The following CECR2 variants were observed in gnomAD, a reference collection of about 807,000 sequenced individuals.
The protein encoded by CECR2 is chromatin remodeling regulator CECR2.
A neutral mutation model predicts 154.5 loss-of-function variants in CECR2; 30 were observed. The ratio of observed to expected loss-of-function variants is 0.19; its 90% CI spans 0.15 to 0.26. The LOEUF (loss-of-function observed/expected upper bound fraction) is 0.26, where lower values mean the gene tolerates loss of function less well. CECR2 is among the 10% of genes least tolerant of loss of function. CECR2 has a pLI of 1.00. For missense variants in CECR2, 1,743 were observed against 1,829.3 expected (o/e 0.95, Z 0.86); for synonymous variants, 725 against 683.7 (o/e 1.06, Z -0.94).
At chr22:17,540,292 A>T in intron 13 of CECR2, 120 bp from the exon 14 acceptor site, 2 of 928,140 alleles carry the variant, frequency 2.2e-6, no homozygotes, top group Non-Finnish European at 3.0e-6. Flanking sequence ...TGCATCTTCT[A>T]TTTATTAGAA....
rs753001903 is a variant in CECR2, at chr22:17,504,844, T to C, written c.701-3T>C. ...GTAGTGAATCCGTTCCTTTATTTTC[T>C]AGGGTCCCAAGGGCCAGGCCAAGGT... On this transcript the variant is annotated splice_polypyrimidine_tract_variant and splice_region_variant and intron_variant, in intron 6 of 18. Coordinates refer to ENST00000262608, the MANE Select transcript of CECR2 (RefSeq NM_001290047.2). 5.6e-6 allele frequency: 9 copies of C among 1,610,756 alleles called. No individual in the cohort carries two copies. In the East Asian group the frequency reaches 1.8e-4, roughly 32 times the overall value.
intron 1 of CECR2, among the ~76,000 whole-genome samples, chr22:17,450,888 T>C (rs5746398): frequency 0.3 from 45,299 of 152,176 alleles, 9,610 homozygotes; most frequent in African/African-American, 0.57. Context: ...TCCCTGCTGC[T>C]ACTCTAGTCC....
chr22:17,400,150 A>G (rs2053870512), intron 1 of CECR2, among the ~76,000 whole-genome samples: 1 of 152,232 alleles, frequency 6.6e-6, no homozygotes, highest in South Asian at 2.1e-4. Context: ...ACAATGTCCA[A>G]AGTACACATT....
chr22:17,514,215 T>TTA (rs918111548), intron 8 of CECR2, among the ~76,000 whole-genome samples: 4 of 152,144 alleles, frequency 2.6e-5, no homozygotes, highest in African/African-American at 9.7e-5. Context: ...GATGCAGTGG[T>TTA]TATTTTTGTC....
intron 1 of CECR2, among the ~76,000 whole-genome samples, chr22:17,462,564 G>A: frequency 6.6e-6 from 1 of 152,136 alleles, no homozygotes; most frequent in East Asian, 1.9e-4. Flanking sequence ...GGTTTAGTCT[G>A]TATTGGATAT....
upstream of CECR2, among the ~76,000 whole-genome samples, chr22:17,365,842 A>G (rs2062999503): frequency 6.6e-6 from 1 of 152,074 alleles, no homozygotes; most frequent in Non-Finnish European, 1.5e-5. Flanking sequence ...CCTGGACAAC[A>G]AAGGGAGACC....
At chr22:17,402,577 C>T (rs766716649) in intron 1 of CECR2, among the ~76,000 whole-genome samples, 2 of 152,132 alleles carry the variant, frequency 1.3e-5, no homozygotes, top group Non-Finnish European at 2.9e-5. Context: ...TTGTAGTTTG[C>T]TGATCTCTTC....
chr22:17,536,976 G>T, intron 9 of CECR2, 127 bp from the exon 10 acceptor site: 1 of 1,037,742 alleles, frequency 9.6e-7, no homozygotes, highest in East Asian at 2.6e-5. Context: ...GGTGGCACAG[G>T]GAGCAGAAGT....
chr22:17,482,592 G>C (rs1290953855), intron 2 of CECR2, among the ~76,000 whole-genome samples: 1 of 151,930 alleles, frequency 6.6e-6, no homozygotes, highest in Non-Finnish European at 1.5e-5. Context: ...GGAGTGCAGT[G>C]GTGCAGTCTT....
intron 9 of CECR2, among the ~76,000 whole-genome samples, chr22:17,525,334 GAAAAGAAAAGAAA>G: frequency 7.2e-6 from 1 of 139,178 alleles, no homozygotes; most frequent in East Asian, 2.1e-4. Context: ...GGGAGGGAGG[GAAAAGAAAAGAAA>G]GAAAGAAATG....
rs371070594 is a variant in CECR2, at chr22:17,548,641, G to A, written c.3354G>A (p.Pro1118=). 81 of 1,612,822 alleles carry A rather than the reference G, an allele frequency of 5.0e-5. No individual in the cohort carries two copies. Among genetic ancestry groups the A allele is most frequent in the African/African-American group, 6.7e-5 (5 of 74,984 alleles). Residue 1118 remains proline, a synonymous_variant, in exon 17 of 19, where the codon CCG becomes CCA. Transcript: ENST00000262608. Reference sequence around the variant, plus strand: ...GAGGCACTGTGAGCCAGTTTCCCCCGCTGTATATGCCTGGCCTAGAGTACC... The same window carrying A: ...GAGGCACTGTGAGCCAGTTTCCCCCACTGTATATGCCTGGCCTAGAGTACC... ...LTGGTVSQFP[P]LYMPGLEYPN... is the part of the protein sequence containing the mutation.
At chr22:17,464,258 A>G (rs973475215) in intron 1 of CECR2, among the ~76,000 whole-genome samples, 3 of 152,208 alleles carry the variant, frequency 2.0e-5, no homozygotes, top group Non-Finnish European at 4.4e-5. Flanking sequence ...AGGCCAACTG[A>G]TGAAATTTCT....
intron 17 of CECR2, among the ~76,000 whole-genome samples, chr22:17,549,789 T>TTA (rs68077180): frequency 7.6e-6 from 1 of 130,808 alleles, no homozygotes; most frequent in Non-Finnish European, 1.6e-5. Flanking sequence ...TTTTGGTTTT[T>TTA]TTTTTTTTTT....
intron 1 of CECR2, among the ~76,000 whole-genome samples, chr22:17,438,834 A>C (rs2054544227): frequency 6.6e-6 from 1 of 152,102 alleles, no homozygotes. Flanking sequence ...AAACTTAATA[A>C]AATTGTAATC....
chr22:17,402,641 A>G (rs960801827), intron 1 of CECR2, among the ~76,000 whole-genome samples: 3 of 152,194 alleles, frequency 2.0e-5, no homozygotes, highest in Non-Finnish European at 4.4e-5. Context: ...AATCATGGTA[A>G]ATTTGTTAAA....
At chr22:17,537,331 G>GGTAAC in intron 10 of CECR2, 99 bp downstream of exon 10, 1 of 1,388,550 alleles carries the variant, frequency 7.2e-7, no homozygotes, top group South Asian at 1.3e-5. Flanking sequence ...AGCCCTGTTG[G>GGTAAC]GTAACATGGT....
intron 2 of CECR2, among the ~76,000 whole-genome samples, chr22:17,488,459 A>G (rs1292008038): frequency 6.6e-6 from 1 of 152,126 alleles, no homozygotes; most frequent in African/African-American, 2.4e-5. Context: ...TCTTCCCCAT[A>G]CCTACATTGT....
intron 8 of CECR2, among the ~76,000 whole-genome samples, chr22:17,520,307 A>C (rs2056135091): frequency 1.3e-5 from 2 of 152,286 alleles, no homozygotes; most frequent in South Asian, 4.1e-4. Context: ...TGATATATAG[A>C]TATACCTGTT....
At chr22:17,488,294 C>A (rs1271701746) in intron 2 of CECR2, among the ~76,000 whole-genome samples, 1 of 152,144 alleles carries the variant, frequency 6.6e-6, no homozygotes, top group African/African-American at 2.4e-5. Flanking sequence ...TATCTGTCAT[C>A]TTTTTGGAAA....
Sources: allele counts gnomAD v4.1 joint callset (sites outside exome capture counted in the v4.1 genomes callset), GRCh38; gene constraint gnomAD v4.1.1; transcripts MANE v1.5; gene names NCBI Gene and HGNC (gene_info 2026-07-23, HGNC 2026-07-21).